The following CIB4 variants were observed in gnomAD, a reference collection of about 807,000 sequenced individuals.
The protein encoded by CIB4 is calcium and integrin-binding family member 4.
In CIB4, 25 loss-of-function variants were observed where a neutral mutation model predicts 25.8. That is an observed-to-expected ratio of 0.97 (90% confidence interval 0.71 to 1.35). The LOEUF is 1.35. Among genes scored for constraint, CIB4 ranks in the 40% most tolerant of loss-of-function variants. CIB4 has a pLI of 0.00. For synonymous variants in CIB4, 75 were observed against 81.4 expected, an observed-to-expected ratio of 0.92 and a Z score of 0.42; for missense variants, 235 against 228.2, an observed-to-expected ratio of 1.03 and a Z score of -0.19.
At chr2:26,640,801 GA>G (rs1669620696) in intron 1 of CIB4, among the ~76,000 whole-genome samples, 2 of 152,234 alleles carry the variant, frequency 1.3e-5, no homozygotes, top group African/African-American at 4.8e-5. Flanking sequence ...CAGATGTGGA[GA>G]GCAGATCAGA....
chr2:26,611,790 T>A (rs953487147), intron 3 of CIB4, among the ~76,000 whole-genome samples: 2 of 152,202 alleles, frequency 1.3e-5, no homozygotes, highest in African/African-American at 4.8e-5. Context: ...AATGCAATTA[T>A]GCGCCATCAA....
intron 3 of CIB4, among the ~76,000 whole-genome samples, chr2:26,598,036 A>G (rs1041838057): frequency 6.6e-6 from 1 of 152,150 alleles, no homozygotes; most frequent in Non-Finnish European, 1.5e-5. Context: ...ACGGTGGCTC[A>G]CGCCTGTAAT....
At chr2:26,624,979 T>A (rs975373759) in intron 3 of CIB4, among the ~76,000 whole-genome samples, 1 of 152,204 alleles carries the variant, frequency 6.6e-6, no homozygotes, top group South Asian at 2.1e-4. Context: ...TTCTCCACGA[T>A]GTGCTTATTT....
intron 3 of CIB4, chr2:26,605,612 T>C (rs1668873587): frequency 2.1e-6 from 1 of 468,402 alleles, no homozygotes; most frequent in Non-Finnish European, 4.4e-6. Context: ...CCTTCAGCAC[T>C]AGAGTATCTC....
At chr2:26,622,776 A>G (rs561555716) in intron 3 of CIB4, among the ~76,000 whole-genome samples, 26 of 152,186 alleles carry the variant, frequency 1.7e-4, no homozygotes, top group African/African-American at 6.0e-4. Flanking sequence ...TGAGGTCAGG[A>G]GTTCAAGACC....
At chr2:26,628,502 G>C (rs114908170) in intron 3 of CIB4, among the ~76,000 whole-genome samples, 1,770 of 152,312 alleles carry the variant, frequency 0.012, 29 homozygotes, top group African/African-American at 0.04. Flanking sequence ...GTGGTTGGAA[G>C]GTGAGATTCA....
At chr2:26,623,418 A>G (rs751831367) in intron 3 of CIB4, 1 of 421,060 alleles carries the variant, frequency 2.4e-6, no homozygotes, top group African/African-American at 2.0e-5. Flanking sequence ...ACCTACTTTT[A>G]GGATTTCTTG....
intron 3 of CIB4, among the ~76,000 whole-genome samples, chr2:26,603,966 G>A (rs1160012391): frequency 6.8e-6 from 1 of 146,906 alleles, no homozygotes; most frequent in Non-Finnish European, 1.5e-5. Context: ...TTGTGCCACT[G>A]CACTCCAGCC....
At chr2:26,588,297 A>G (rs1321698300) in intron 4 of CIB4, among the ~76,000 whole-genome samples, 2 of 152,256 alleles carry the variant, frequency 1.3e-5, no homozygotes, top group Non-Finnish European at 2.9e-5. Flanking sequence ...AAACAGAATA[A>G]TTTGCTAGAG....
At chr2:26,581,590 A>G (rs1668344905) in intron 6 of CIB4, among the ~76,000 whole-genome samples, 197 bp from the exon 7 acceptor site, 1 of 152,160 alleles carries the variant, frequency 6.6e-6, no homozygotes, top group South Asian at 2.1e-4. Flanking sequence ...CCCCAAGGCA[A>G]AGGCAGGGCA....
intron 1 of CIB4, 65 bp from the exon 2 acceptor site, chr2:26,640,632 T>C: frequency 1.3e-6 from 2 of 1,526,918 alleles, no homozygotes. Flanking sequence ...CCCTGGGGAG[T>C]GGCGCAATTC....
At chr2:26,632,299 C>T (rs1032103808) in intron 2 of CIB4, among the ~76,000 whole-genome samples, 1 of 152,180 alleles carries the variant, frequency 6.6e-6, no homozygotes, top group African/African-American at 2.4e-5. Context: ...TGAGCTGTCA[C>T]TAGGGTCTAG....
intron 2 of CIB4, among the ~76,000 whole-genome samples, chr2:26,629,972 C>CT (rs1669385365): frequency 1.3e-5 from 2 of 152,194 alleles, no homozygotes; most frequent in African/African-American, 4.8e-5. Context: ...CTTCGTGGGT[C>CT]TGAGTGAGCC....
chr2:26,617,120 A>ATGTGTGTGTGTGTGTG (rs3220777), intron 3 of CIB4, among the ~76,000 whole-genome samples: 9,781 of 137,594 alleles, frequency 0.071, 437 homozygotes, highest in Non-Finnish European at 0.088. Flanking sequence ...AGAGCATGGA[A>ATGTGTGTGTGTGTGTG]TGTGTGTGTG....
chr2:26,591,006 C>G (rs994337321), intron 4 of CIB4, among the ~76,000 whole-genome samples: 3 of 152,178 alleles, frequency 2.0e-5, no homozygotes, highest in Non-Finnish European at 4.4e-5. Flanking sequence ...TTAGCTTGTG[C>G]CTTGAAGCCC....
At chr2:26,599,976 G>A (rs1296409655) in intron 3 of CIB4, among the ~76,000 whole-genome samples, 2 of 144,788 alleles carry the variant, frequency 1.4e-5, no homozygotes, top group Non-Finnish European at 1.5e-5. Flanking sequence ...AGGAGGCTGA[G>A]GCAAGAGAAT....
rs1316078629 is a variant in CIB4, at chr2:26,627,693, C to G, written c.186+1717G>C. Among the ~76,000 whole-genome samples, 4 of 152,184 alleles carry G rather than the reference C, an allele frequency of 2.6e-5. No individual in the cohort carries two copies. The East Asian group carries it at 7.7e-4, about 29-fold the overall frequency. On this transcript the variant is annotated intron_variant, in intron 3 of 6. Transcript: ENST00000288861. The surrounding 1 kb of genome is among the most constrained non-coding windows in gnomAD (Gnocchi z 4.0). ...TGTCACAGTCACAGTCTCCGATTCA[C>G]TCACCTTTCTGAGGTTTCTATTTCT...
intron 3 of CIB4, among the ~76,000 whole-genome samples, chr2:26,618,464 T>C (rs1227994263): frequency 2.0e-5 from 3 of 152,094 alleles, no homozygotes; most frequent in Non-Finnish European, 4.4e-5. Flanking sequence ...TTTTTATTTT[T>C]TGTAGAGAAA....
At chr2:26,596,226 A>C (rs1668680379) in intron 3 of CIB4, among the ~76,000 whole-genome samples, 1 of 152,204 alleles carries the variant, frequency 6.6e-6, no homozygotes, top group South Asian at 2.1e-4. Context: ...AATGTCTTTA[A>C]TAAAAACACC....
Sources: gnomAD v4.1 joint callset for allele counts (sites outside exome capture counted in the v4.1 genomes callset) on GRCh38, gnomAD v4.1.1 for gene constraint, Gnocchi (gnomAD v3.1) non-coding constraint, MANE v1.5 for transcripts, NCBI Gene and HGNC (gene_info 2026-07-23, HGNC 2026-07-21) for gene names.